PCDHGA4: variants seen among roughly 807,000 people sequenced by gnomAD.
PCDHGA4 encodes protocadherin gamma-A4.
PCDHGA4 carries 38 observed loss-of-function variants against 54.6 expected under a neutral mutation model. The ratio of observed to expected loss-of-function variants is 0.70; its 90% CI spans 0.54 to 0.91. The LOEUF (loss-of-function observed/expected upper bound fraction) is 0.91. Among genes scored for constraint, PCDHGA4 ranks in the 40% least tolerant of loss-of-function variants. The pLI, the probability that PCDHGA4 is intolerant of heterozygous loss-of-function variation, is 0.00. For synonymous variants in PCDHGA4, 511 were observed against 512.9 expected (o/e 1.00, Z 0.05); for missense variants, 1,298 against 1,220.9 (o/e 1.06, Z -0.94).
chr5:141,434,714 G>A (rs1333237898), intron 1 of PCDHGA4, among the ~76,000 whole-genome samples: 1 of 151,564 alleles, frequency 6.6e-6, no homozygotes, highest in Non-Finnish European at 1.5e-5. Context: ...GTAAATCTCT[G>A]TTCAGGGCTC....
At position 141,491,381 on chromosome 5, in the gene PCDHGA4, C is replaced by CT. The variant is rs1554177905; in HGVS notation, c.2515-3426_2515-3425insT. The CT allele has an allele frequency of 2.8e-5, 45 of 1,614,068 alleles. No individual in the cohort carries two copies. Among genetic ancestry groups the CT allele is most frequent in the Non-Finnish European group, 3.5e-5 (41 of 1,179,950 alleles). On this transcript the variant is annotated intron_variant, in intron 1 of 3. Coordinates refer to ENST00000571252, the MANE Select transcript of PCDHGA4 (RefSeq NM_018917.4). This position sits in a 1 kb window ranked among gnomAD's most constrained non-coding sequence, Gnocchi z 6.9. ...CTAGTCACCTTCACCTTTCTGTCAG[C>CT]GAAGTGCCTTCAGGGAAACGCAGAC...
At chr5:141,499,272 GT>G (rs772636179) in intron 2 of PCDHGA4, among the ~76,000 whole-genome samples, 3 of 152,122 alleles carry the variant, frequency 2.0e-5, no homozygotes, top group Non-Finnish European at 4.4e-5. Flanking sequence ...TCCCTAGACT[GT>G]TCTCTGATGG....
At chr5:141,434,364 A>G (rs1023051594) in intron 1 of PCDHGA4, among the ~76,000 whole-genome samples, 1 of 152,208 alleles carries the variant, frequency 6.6e-6, no homozygotes, top group Non-Finnish European at 1.5e-5. Context: ...AAATCTGGCC[A>G]TAAACTGGCC....
intron 1 of PCDHGA4, among the ~76,000 whole-genome samples, chr5:141,357,881 C>T (rs1014832669): frequency 1.3e-5 from 2 of 152,144 alleles, no homozygotes; most frequent in African/African-American, 2.4e-5. Flanking sequence ...CTCTGAGCCA[C>T]CTCATTTCCT....
Position 141,410,123 on chromosome 5 carries a change from C to T in PCDHGA4, c.2514+52502C>T. ...AGGCGACAGGGACGCAGCCCGCCAG[C>T]GCCTGCTGGTCGCTGTGCGTGACGG... On this transcript the variant is annotated intron_variant, in intron 1 of 3. Coordinates refer to ENST00000571252, the MANE Select transcript of PCDHGA4 (RefSeq NM_018917.4). The T allele has an allele frequency of 1.2e-6, 2 of 1,612,780 alleles. No individual in the cohort carries two copies. The highest frequency in any genetic ancestry group is 1.7e-6 in the Non-Finnish European group (2 of 1,179,646).
In PCDHGA4 at chr5:141,357,624, G is replaced by A. The variant is rs1416419073; in HGVS notation, c.2514+3G>A. On this transcript the variant is annotated splice_donor_region_variant and intron_variant, in intron 1 of 3. Transcript: ENST00000571252. The stretch of plus-strand genomic sequence containing the variant: ...CAAAAGGAGACCCTAATCTTCAGGT[G>A]AGTCAATCTTATAATAGATCATACC... 2 of 1,613,660 alleles carry A rather than the reference G, an allele frequency of 1.2e-6. No individual in the cohort carries two copies. The highest frequency in any genetic ancestry group is 2.2e-5 in the South Asian group (2 of 91,064).
At position 141,356,910 on chromosome 5, in the gene PCDHGA4, T is replaced by G; in HGVS notation, c.1803T>G (p.Asp601Glu). The part of the protein sequence containing the change: ...PEILYPTFPT[D>E]GSTGVELAPR... The stretch of plus-strand genomic sequence containing the variant: ...TCCTGTACCCCACCTTCCCTACTGA[T>G]GGCTCCACTGGTGTGGAGCTGGCAC... Residue 601 changes from aspartate (D) to glutamate (E), a missense_variant, in exon 1 of 4, where the codon GAT becomes GAG. Coordinates refer to ENST00000571252, the MANE Select transcript of PCDHGA4 (RefSeq NM_018917.4). 1 of 1,614,140 alleles carries G rather than the reference T, an allele frequency of 6.2e-7. No individual in the cohort carries two copies. The highest frequency in any genetic ancestry group is 1.7e-5 in the Admixed American group (1 of 60,030).
chr5:141,382,917 G>A (rs527482854), intron 1 of PCDHGA4: 1 of 1,555,450 alleles, frequency 6.4e-7, no homozygotes, highest in East Asian at 2.3e-5. Flanking sequence ...CTCAGCCGAG[G>A]GGCGGGGACT....
Position 141,357,520 on chromosome 5 carries a change from A to G in PCDHGA4, c.2413A>G (p.Ser805Gly), listed in dbSNP as rs1385888132. 2 of 1,614,216 alleles carry G rather than the reference A, an allele frequency of 1.2e-6. No homozygotes were observed. Among genetic ancestry groups the G allele is most frequent in the Non-Finnish European group, 1.7e-6 (2 of 1,180,050 alleles). ...GAGTCACCTGATCTTCTCCCAACCC[A>G]GCTATGCAGACACGCTCATCAGCCG... ...RKSHLIFSQPSYADTLISRES... is the reference protein window; with the variant it reads ...RKSHLIFSQPGYADTLISRES... The change falls in exon 1 of 4, where the codon AGC becomes GGC. Residue 805 changes from serine (S) to glycine (G), a missense_variant. Ser to Gly is a moderately conservative substitution (Grantham distance 56). Transcript: ENST00000571252.
At chr5:141,392,238 A>G (rs1412628236) in intron 1 of PCDHGA4, 1 of 152,214 alleles carries the variant, frequency 6.6e-6, no homozygotes, top group Admixed American at 6.5e-5. Context: ...GTTCTTAGTT[A>G]TTTGTTAGTA....
chr5:141,384,341 G>A (rs373965421), intron 1 of PCDHGA4: 3 of 1,613,758 alleles, frequency 1.9e-6, no homozygotes, highest in Admixed American at 1.7e-5. Context: ...GACCACGACA[G>A]TGAGGATAAT....
In PCDHGA4 at chr5:141,357,565, G is replaced by A. The variant is rs766473131; in HGVS notation, c.2458G>A (p.Glu820Lys). The A allele has an allele frequency of 1.1e-5, 17 of 1,614,184 alleles. No individual in the cohort carries two copies. In the Admixed American group the frequency reaches 2.5e-4, roughly 24 times the overall value. Reference sequence around the variant, plus strand: ...CAGCCGGGAGAGTTGTGAGAAAAGCGAGCCTCTTCTGATAACTCAGGATTT... The same window carrying A: ...CAGCCGGGAGAGTTGTGAGAAAAGCAAGCCTCTTCTGATAACTCAGGATTT... ...LISRESCEKS[E>K]PLLITQDLLE... Residue 820 changes from glutamate (E) to lysine (K), a missense_variant, in exon 1 of 4, where the codon GAG (glutamate) becomes AAG (lysine). Physicochemically the swap from Glu to Lys is moderately conservative, Grantham distance 56 (BLOSUM62 1). Transcript: ENST00000571252.
chr5:141,431,603 C>T lies in PCDHGA4; in HGVS notation c.2515-63204C>T, dbSNP rs746243366. On this transcript the variant is annotated intron_variant, in intron 1 of 3. Coordinates refer to ENST00000571252, the MANE Select transcript of PCDHGA4 (RefSeq NM_018917.4). This position sits in a 1 kb window ranked among gnomAD's most constrained non-coding sequence, Gnocchi z 4.8. ...CAATGCGGAAGTGAGGTATTCCTTC[C>T]GGTATGTGGACGACAAGGCGGCCCA... is the stretch of plus-strand genomic sequence containing the variant. 1.1e-5 allele frequency: 17 copies of T among 1,614,212 alleles called. No individual in the cohort carries two copies. Among genetic ancestry groups the T allele is most frequent in the Non-Finnish European group, 1.4e-5 (16 of 1,180,044 alleles).
Position 141,490,799 on chromosome 5 carries a change from G to A in PCDHGA4, c.2515-4008G>A, listed in dbSNP as rs757092044. On this transcript the variant is annotated intron_variant, in intron 1 of 3. Coordinates refer to ENST00000571252, the MANE Select transcript of PCDHGA4 (RefSeq NM_018917.4). The surrounding 1 kb of genome is among the most constrained non-coding windows in gnomAD (Gnocchi z 5.4). ...GAGGATGGACGGATCTTTGCCCAGC[G>A]TACCTTTGACTATGAATTGCTGCAG... is the stretch of plus-strand genomic sequence containing the variant. 2.7e-5 allele frequency: 43 copies of A among 1,613,888 alleles called. No individual in the cohort carries two copies. Among genetic ancestry groups the A allele is most frequent in the Middle Eastern group, 3.3e-4 (2 of 6,062 alleles).
intron 1 of PCDHGA4, chr5:141,408,785 T>C: frequency 6.2e-7 from 1 of 1,612,308 alleles, no homozygotes; most frequent in Non-Finnish European, 8.5e-7. Context: ...CCCAGAGTTA[T>C]CTCTGGAGAA....
At chr5:141,496,799 G>C (rs2099771487) in intron 2 of PCDHGA4, among the ~76,000 whole-genome samples, 1 of 151,912 alleles carries the variant, frequency 6.6e-6, no homozygotes, top group African/African-American at 2.4e-5. Context: ...TAAACATTGG[G>C]CTATAGGAGT....
intron 1 of PCDHGA4, chr5:141,418,245 A>G: frequency 5.6e-6 from 9 of 1,614,046 alleles, no homozygotes; most frequent in Non-Finnish European, 7.6e-6. Flanking sequence ...GTTAATGACC[A>G]CGCCCCTCAA....
At position 141,476,011 on chromosome 5, in the gene PCDHGA4, A is replaced by C. The variant is rs1415142555; in HGVS notation, c.2515-18796A>C. On this transcript the variant is annotated intron_variant, in intron 1 of 3. Coordinates refer to ENST00000571252, the MANE Select transcript of PCDHGA4 (RefSeq NM_018917.4). This position sits in a 1 kb window ranked among gnomAD's most constrained non-coding sequence, Gnocchi z 7.6. The stretch of plus-strand genomic sequence containing the variant: ...GCAAATCAACGGCATCCAGAAAGCC[A>C]TGTCGGACTCGGCGCCCAGCGCCCA... 2.3e-6 allele frequency: 3 copies of C among 1,311,164 alleles called. No homozygotes were observed. Among genetic ancestry groups the C allele is most frequent in the African/African-American group, 1.5e-5 (1 of 68,020 alleles). 81.2% of individuals were successfully genotyped at this position (1,311,164 alleles called of 1,614,324 possible).
In PCDHGA4 at chr5:141,487,519, T is replaced by C. The variant is rs1288070159; in HGVS notation, c.2515-7288T>C. The C allele has an allele frequency of 6.2e-7, 1 of 1,614,046 alleles. No individual in the cohort carries two copies. ...CCTTGGCTTCTGCACCCACTCGGAG[T>C]GATAGCTTCATGATGGTGAAGTCAC... On this transcript the variant is annotated intron_variant, in intron 1 of 3. Transcript: ENST00000571252. The surrounding 1 kb of genome is among the most constrained non-coding windows in gnomAD (Gnocchi z 5.0).
Sources: gnomAD v4.1 joint callset for allele counts (sites outside exome capture counted in the v4.1 genomes callset) on GRCh38, gnomAD v4.1.1 for gene constraint, Gnocchi (gnomAD v3.1) non-coding constraint, MANE v1.5 for transcripts, NCBI Gene and HGNC (gene_info 2026-07-23, HGNC 2026-07-21) for gene names.